SRGAP3: variants seen among roughly 807,000 people sequenced by gnomAD.
The protein encoded by SRGAP3 is SLIT-ROBO Rho GTPase activating protein 3.
A neutral mutation model predicts 121.1 loss-of-function variants in SRGAP3; 39 were observed. The observed-to-expected ratio is 0.32, with a 90% CI of 0.25 to 0.42. The LOEUF is 0.42. Ranked by LOEUF, SRGAP3 falls within the 10% of genes least tolerant of loss-of-function variation. The pLI is 1.00. For missense variants in SRGAP3, 1,213 were observed against 1,470.6 expected (o/e 0.82, Z 2.86); for synonymous variants, 601 against 570.0 (o/e 1.05, Z -0.77).
intron 1 of SRGAP3, among the ~76,000 whole-genome samples, chr3:9,335,990 C>T (rs928264825): frequency 3.3e-5 from 5 of 152,140 alleles, no homozygotes; most frequent in African/African-American, 1.2e-4. Flanking sequence ...ATGGTTGAGA[C>T]TCTACCTATC....
intron 1 of SRGAP3, among the ~76,000 whole-genome samples, chr3:9,140,305 T>C (rs756508143): frequency 1.2e-4 from 18 of 152,230 alleles, no homozygotes; most frequent in Non-Finnish European, 2.1e-4. Context: ...AGATTCACGT[T>C]GCATACAAAT....
At chr3:9,038,195 G>A in intron 10 of SRGAP3, 105 bp from the exon 11 acceptor site, 1 of 1,455,918 alleles carries the variant, frequency 6.9e-7, no homozygotes, top group East Asian at 2.4e-5. Context: ...AATTATTTAT[G>A]AAATATGAAA....
chr3:9,160,589 AC>A (rs1335612213), intron 1 of SRGAP3, among the ~76,000 whole-genome samples: 1 of 152,128 alleles, frequency 6.6e-6, no homozygotes, highest in Non-Finnish European at 1.5e-5. Context: ...CTCATGGGAA[AC>A]CCTGAGCCAG....
chr3:9,022,333 C>A (rs1252305902), intron 14 of SRGAP3, among the ~76,000 whole-genome samples: 2 of 152,066 alleles, frequency 1.3e-5, no homozygotes, highest in Non-Finnish European at 2.9e-5. Context: ...TCCCAACTAA[C>A]TAACTAAATA....
intron 1 of SRGAP3, among the ~76,000 whole-genome samples, chr3:9,136,483 C>T (rs967823946): frequency 5.9e-5 from 9 of 151,598 alleles, no homozygotes; most frequent in East Asian, 3.9e-4. Flanking sequence ...GCCATCTCTT[C>T]GGATTCCTTC....
rs181361995 is a variant in SRGAP3 at position 9,140,271 on chromosome 3, C to T, written c.68-15354G>A. 7.2e-5 allele frequency among the ~76,000 whole-genome samples: 11 copies of T among 152,198 alleles called. No individual in the cohort carries two copies. The East Asian group carries it at 1.5e-3, about 21-fold the overall frequency. Reference sequence around the variant, plus strand: ...TGGTTAAATAATTCTGGCACATTCACGCAATAAACTCCTATGTGGTGTAAG... The same window carrying T: ...TGGTTAAATAATTCTGGCACATTCATGCAATAAACTCCTATGTGGTGTAAG... On this transcript the variant is annotated intron_variant, in intron 1 of 21. Coordinates refer to ENST00000383836, the MANE Select transcript of SRGAP3 (RefSeq NM_014850.4).
intron 2 of SRGAP3, among the ~76,000 whole-genome samples, chr3:9,119,456 C>G (rs1381095821): frequency 6.6e-6 from 1 of 152,190 alleles, no homozygotes; most frequent in Non-Finnish European, 1.5e-5. Context: ...GCTTCCATCC[C>G]CCTCCACTGC....
intron 3 of SRGAP3, among the ~76,000 whole-genome samples, chr3:9,284,543 G>A (rs2125266965): frequency 6.6e-6 from 1 of 152,254 alleles, no homozygotes; most frequent in African/African-American, 2.4e-5. Flanking sequence ...TATAAAAATA[G>A]TTCTGGGCTG....
At chr3:9,251,403 G>A (rs1024452739), upstream of SRGAP3, among the ~76,000 whole-genome samples, 3 of 152,146 alleles carry the variant, frequency 2.0e-5, no homozygotes, top group African/African-American at 7.2e-5. Flanking sequence ...CTTCTAACTA[G>A]TTCAAACCCA....
In SRGAP3 at chr3:9,340,356, T is replaced by C. The variant is rs563292352; in HGVS notation, n.215-9760A>G. The stretch of plus-strand genomic sequence containing the variant: ...AGATGGAAAACTAAATAATAAACAG[T>C]GACAGATGTAAAAAGATTTGTATTA... On this transcript the variant is annotated intron_variant and non_coding_transcript_variant, in intron 1 of 3. Transcript: ENST00000490889. 3.9e-5 allele frequency among the ~76,000 whole-genome samples: 6 copies of C among 152,310 alleles called. No homozygotes were observed. The South Asian group carries it at 1.2e-3, about 32-fold the overall frequency.
intron 3 of SRGAP3, among the ~76,000 whole-genome samples, chr3:9,281,077 G>C (rs1367615416): frequency 6.6e-6 from 1 of 152,176 alleles, no homozygotes; most frequent in South Asian, 2.1e-4. Flanking sequence ...TTGCTATCTC[G>C]CCTCTCCACA....
intron 15 of SRGAP3, among the ~76,000 whole-genome samples, chr3:9,014,464 C>T (rs2125035939): frequency 6.6e-6 from 1 of 152,310 alleles, no homozygotes; most frequent in East Asian, 1.9e-4. Context: ...ACCTATCAGC[C>T]AAAGTCTGGC....
intron 1 of SRGAP3, among the ~76,000 whole-genome samples, chr3:9,331,245 C>T (rs757073119): frequency 1.4e-4 from 21 of 152,152 alleles, no homozygotes; most frequent in Non-Finnish European, 2.9e-4. Flanking sequence ...TGAATACCTA[C>T]CACGTGCCAG....
In SRGAP3 at chr3:9,248,955, C is replaced by T. The variant is rs1198606758; in HGVS notation, c.-4G>A. 4.3e-6 allele frequency: 7 copies of T among 1,614,146 alleles called. No individual in the cohort carries two copies. Among genetic ancestry groups the T allele is most frequent in the Non-Finnish European group, 5.9e-6 (7 of 1,179,984 alleles). Reference sequence around the variant, plus strand: ...TGAACTTAGTTTGAGATGACATCTTCTGACGTGGCCAAAGGAACTGACAGG... The same window carrying T: ...TGAACTTAGTTTGAGATGACATCTTTTGACGTGGCCAAAGGAACTGACAGG... On this transcript the variant is annotated 5_prime_UTR_variant, in exon 1 of 22. Transcript: ENST00000383836.
rs756895225 is a variant in SRGAP3, at chr3:9,064,596, G to A, written c.487-15C>T. On this transcript the variant is annotated splice_polypyrimidine_tract_variant and intron_variant, in intron 4 of 21. Coordinates refer to ENST00000383836, the MANE Select transcript of SRGAP3 (RefSeq NM_014850.4). Reference sequence around the variant, plus strand: ...GTTTTCATGACCTGGGGGTGCACAAGTAGGGGAAATCAGCAGCCAGCTATG... The same window carrying A: ...GTTTTCATGACCTGGGGGTGCACAAATAGGGGAAATCAGCAGCCAGCTATG... The A allele has an allele frequency of 6.2e-7, 1 of 1,613,776 alleles. No individual in the cohort carries two copies. The highest frequency in any genetic ancestry group is 1.1e-5 in the South Asian group (1 of 91,068).
intron 10 of SRGAP3, among the ~76,000 whole-genome samples, chr3:9,042,140 G>A: frequency 6.6e-6 from 1 of 151,334 alleles, no homozygotes; most frequent in South Asian, 2.1e-4. Context: ...AAATAAGTGA[G>A]ATTAATTTTC....
intron 1 of SRGAP3, among the ~76,000 whole-genome samples, chr3:9,155,832 T>C (rs749591326): frequency 6.6e-6 from 1 of 152,222 alleles, no homozygotes; most frequent in Non-Finnish European, 1.5e-5. Context: ...TTTCTTTTTC[T>C]TGAGACGGAG....
At chr3:9,157,842 G>C in intron 1 of SRGAP3, among the ~76,000 whole-genome samples, 1 of 152,182 alleles carries the variant, frequency 6.6e-6, no homozygotes, top group East Asian at 1.9e-4. Flanking sequence ...CAGTCAGGGG[G>C]ACAACTAATG....
chr3:9,291,314 C>T (rs1461170611), intron 3 of SRGAP3, among the ~76,000 whole-genome samples: 1 of 152,146 alleles, frequency 6.6e-6, no homozygotes, highest in Non-Finnish European at 1.5e-5. Context: ...TGTGTTCCCG[C>T]TCTCATTACA....
Sources: gnomAD v4.1 joint callset for allele counts (sites outside exome capture counted in the v4.1 genomes callset) on GRCh38, gnomAD v4.1.1 for gene constraint, MANE v1.5 for transcripts, NCBI Gene and HGNC (gene_info 2026-07-23, HGNC 2026-07-21) for gene names.